The following ADAMTS19 variants were observed in gnomAD, a reference collection of about 807,000 sequenced individuals.
ADAMTS19 encodes the protein ADAM metallopeptidase with thrombospondin type 1 motif 19.
In ADAMTS19, 93 loss-of-function variants were observed where a neutral mutation model predicts 153.3. The ratio of observed to expected loss-of-function variants is 0.61; its 90% CI spans 0.51 to 0.72. The LOEUF is 0.72. ADAMTS19 is among the 30% of genes least tolerant of loss of function. The pLI, the probability that ADAMTS19 is intolerant of heterozygous loss-of-function variation, is 0.00. For missense variants in ADAMTS19, 1,482 were observed against 1,552.1 expected, an observed-to-expected ratio of 0.95 and a Z score of 0.76; for synonymous variants, 600 against 556.6, an observed-to-expected ratio of 1.08 and a Z score of -1.10.
chr5:129,514,899 T>C (rs1203824158), intron 3 of ADAMTS19, among the ~76,000 whole-genome samples: 2 of 152,146 alleles, frequency 1.3e-5, no homozygotes, highest in African/African-American at 4.8e-5. Context: ...CAAAGTTTTC[T>C]TGTAATAGTT....
chr5:129,535,400 T>A (rs1286820928), intron 6 of ADAMTS19, among the ~76,000 whole-genome samples: 1 of 151,934 alleles, frequency 6.6e-6, no homozygotes. Flanking sequence ...CACTGCTCAA[T>A]GAAATAAAAG....
intron 8 of ADAMTS19, among the ~76,000 whole-genome samples, chr5:129,606,285 G>C (rs1750888753): frequency 6.6e-6 from 1 of 152,164 alleles, no homozygotes; most frequent in Non-Finnish European, 1.5e-5. Flanking sequence ...GGAGGGCCAG[G>C]TTATATACCT....
chr5:129,723,591 C>A (rs1165003815), intron 21 of ADAMTS19, among the ~76,000 whole-genome samples: 1 of 152,058 alleles, frequency 6.6e-6, no homozygotes, highest in African/African-American at 2.4e-5. Context: ...GACATGTGAG[C>A]CACAGCATAG....
At chr5:129,577,062 T>C (rs745606549) in intron 7 of ADAMTS19, among the ~76,000 whole-genome samples, 37 of 152,096 alleles carry the variant, frequency 2.4e-4, no homozygotes, top group Non-Finnish European at 4.9e-4. Flanking sequence ...GCTTTTCTTC[T>C]TGAGCCATCC....
At chr5:129,691,229 TC>T (rs1190505161) in intron 18 of ADAMTS19, among the ~76,000 whole-genome samples, 8 of 152,196 alleles carry the variant, frequency 5.3e-5, no homozygotes, top group African/African-American at 1.9e-4. Flanking sequence ...ATATTGCAAT[TC>T]AATAGAGATG....
At chr5:129,604,183 G>A (rs554304862) in intron 8 of ADAMTS19, among the ~76,000 whole-genome samples, 4 of 126,788 alleles carry the variant, frequency 3.2e-5, no homozygotes, top group African/African-American at 5.9e-5. Flanking sequence ...GGATTGATAG[G>A]TGCAGCAAAC....
chr5:129,567,338 A>G (rs1309544703), intron 7 of ADAMTS19, among the ~76,000 whole-genome samples: 2 of 152,282 alleles, frequency 1.3e-5, no homozygotes, highest in Admixed American at 6.5e-5. Context: ...TAAAAACATG[A>G]AAATCTCAAT....
chr5:129,460,470 G>A lies in ADAMTS19; in HGVS notation c.79G>A (p.Gly27Arg). 6.2e-7 allele frequency: 1 copy of A among 1,614,174 alleles called. No homozygotes were observed. Among genetic ancestry groups the A allele is most frequent in the Non-Finnish European group, 8.5e-7 (1 of 1,180,022 alleles). ...LLYQLGFLSN[G>R]IVSELQFAPD... ...TTACCAGCTGGGGTTCCTGTCGAATGGGATCGTTTCAGGTAAGTTCTTCCG... is the reference window on the plus strand; with the variant it reads ...TTACCAGCTGGGGTTCCTGTCGAATAGGATCGTTTCAGGTAAGTTCTTCCG... The change falls in exon 1 of 23, where the codon GGG (glycine) becomes AGG (arginine). Residue 27 changes from glycine to arginine, a missense_variant. Gly to Arg is a moderately radical substitution (Grantham distance 125). This residue lies in a region of ADAMTS19 where 866 missense variants were observed against 827.7 expected (regional missense o/e 1.05). Transcript: ENST00000274487.
chr5:129,493,599 G>C (rs968254465), intron 2 of ADAMTS19, among the ~76,000 whole-genome samples: 1 of 152,108 alleles, frequency 6.6e-6, no homozygotes, highest in African/African-American at 2.4e-5. Context: ...TCTCAACTAT[G>C]AAAGAGATTG....
At chr5:129,533,111 A>G (rs925526265) in intron 6 of ADAMTS19, among the ~76,000 whole-genome samples, 3 of 152,158 alleles carry the variant, frequency 2.0e-5, no homozygotes, top group African/African-American at 7.2e-5. Flanking sequence ...ACAAAAAAAA[A>G]AATTATACTG....
At chr5:129,551,957 A>G (rs1252455904) in intron 7 of ADAMTS19, 50 bp downstream of exon 7, 3 of 1,225,590 alleles carry the variant, frequency 2.4e-6, no homozygotes, top group Non-Finnish European at 2.3e-6. Flanking sequence ...ACTTGAACAT[A>G]TCACTTGTTT....
At chr5:129,494,087 A>C (rs1047006898) in intron 2 of ADAMTS19, among the ~76,000 whole-genome samples, 1 of 152,146 alleles carries the variant, frequency 6.6e-6, no homozygotes, top group Non-Finnish European at 1.5e-5. Context: ...TTGAAGTTGG[A>C]TATTTTCCCC....
At chr5:129,561,597 G>C (rs1274796382) in intron 7 of ADAMTS19, among the ~76,000 whole-genome samples, 1 of 151,706 alleles carries the variant, frequency 6.6e-6, no homozygotes, top group Non-Finnish European at 1.5e-5. Flanking sequence ...TTTCTAAAAC[G>C]CATGTCGTAG....
chr5:129,576,597 T>G (rs1283677448), intron 7 of ADAMTS19, among the ~76,000 whole-genome samples: 1 of 152,086 alleles, frequency 6.6e-6, no homozygotes, highest in African/African-American at 2.4e-5. Flanking sequence ...TTTTTTTTTT[T>G]TTTAGTTAAA....
intron 2 of ADAMTS19, among the ~76,000 whole-genome samples, chr5:129,470,743 A>G (rs1037828715): frequency 1.3e-5 from 2 of 152,204 alleles, no homozygotes; most frequent in African/African-American, 2.4e-5. Context: ...GCAATAAATT[A>G]TTAACTCTTT....
chr5:129,460,419 A>T lies in ADAMTS19; in HGVS notation c.28A>T (p.Thr10Ser), dbSNP rs375034912. Residue 10 changes from threonine to serine, a missense_variant, in exon 1 of 23, where the codon ACT becomes TCT. Thr to Ser is a moderately conservative substitution (Grantham distance 58, BLOSUM62 1). Around this residue, in one of 2 missense-constraint regions of ADAMTS19, gnomAD observed 866 missense variants for 827.7 expected, o/e 1.05. Coordinates refer to ENST00000274487, the MANE Select transcript of ADAMTS19 (RefSeq NM_133638.6). MGKNREMRL[T>S]HICCCCLLYQ... is the part of the protein sequence containing the mutation. ...GGGGAAGAACCGCGAGATGCGCCTG[A>T]CTCACATCTGCTGCTGCTGCCTCCT... 2 of 1,613,994 alleles carry T rather than the reference A, an allele frequency of 1.2e-6. No homozygotes were observed.
At chr5:129,523,933 T>C (rs1374466282) in intron 3 of ADAMTS19, among the ~76,000 whole-genome samples, 1 of 152,182 alleles carries the variant, frequency 6.6e-6, no homozygotes, top group African/African-American at 2.4e-5. Flanking sequence ...AAGCTTCCAT[T>C]GACTTTCTTC....
In ADAMTS19 at chr5:129,670,027, A is replaced by T. The variant is rs142159329; in HGVS notation, c.2506+4448A>T. Among the ~76,000 whole-genome samples the T allele has an allele frequency of 2.5e-3, 383 of 152,204 alleles. 1 individual carries two copies. The highest frequency in any genetic ancestry group is 7.6e-3 in the African/African-American group (314 of 41,544). ...TTCACTAATTTCTATCCAGTAGTTCATGTAAAAACTGACAGTCTTCCTTGA... is the reference window on the plus strand; with the variant it reads ...TTCACTAATTTCTATCCAGTAGTTCTTGTAAAAACTGACAGTCTTCCTTGA... On this transcript the variant is annotated intron_variant, in intron 16 of 22. Coordinates refer to ENST00000274487, the MANE Select transcript of ADAMTS19 (RefSeq NM_133638.6).
At chr5:129,506,882 G>T (rs1001419397) in intron 2 of ADAMTS19, among the ~76,000 whole-genome samples, 1 of 151,796 alleles carries the variant, frequency 6.6e-6, no homozygotes, top group Non-Finnish European at 1.5e-5. Context: ...AGAAGGATAT[G>T]TGTATTTTTA....
Sources: allele counts gnomAD v4.1 joint callset (sites outside exome capture counted in the v4.1 genomes callset), GRCh38; gene constraint gnomAD v4.1.1; regional missense constraint gnomAD v4.1.1; transcripts MANE v1.5; gene names NCBI Gene and HGNC (gene_info 2026-07-23, HGNC 2026-07-21).